RMC1: variants seen among roughly 807,000 people sequenced by gnomAD.
RMC1 encodes the protein regulator of MON1-CCZ1 complex.
Under a neutral mutation model 95.5 loss-of-function variants are expected in RMC1, and 44 were observed. The observed-to-expected ratio is 0.46, with a 90% CI of 0.36 to 0.59. The LOEUF is 0.59. Among genes scored for constraint, RMC1 ranks in the 20% least tolerant of loss-of-function variants. RMC1 has a pLI of 0.00. For synonymous variants in RMC1, 320 were observed against 303.6 expected (o/e 1.05, Z -0.56); for missense variants, 705 against 819.6 (o/e 0.86, Z 1.71).
At chr18:23,525,091 C>T (rs1268263302) in intron 12 of RMC1, among the ~76,000 whole-genome samples, 2 of 151,802 alleles carry the variant, frequency 1.3e-5, no homozygotes, top group Non-Finnish European at 2.9e-5. Flanking sequence ...GGATTACAGG[C>T]ATGTGCCACC....
At position 23,503,562 on chromosome 18, in the gene RMC1, T is replaced by A; in HGVS notation, c.-57T>A. On this transcript the variant is annotated 5_prime_UTR_variant, in exon 1 of 20. Transcript: ENST00000269221. ...AGTCCGGGCCGGGCTCCACCGCGCA[T>A]CCTGCTCCACTCTGGCGACCGCCCC... 7.4e-7 allele frequency: 1 copy of A among 1,345,418 alleles called. No individual in the cohort carries two copies. The highest frequency in any genetic ancestry group is 1.0e-6 in the Non-Finnish European group (1 of 993,920). 83.3% of individuals were successfully genotyped at this position (1,345,418 alleles called of 1,614,324 possible).
intron 12 of RMC1, among the ~76,000 whole-genome samples, chr18:23,524,731 A>G (rs917925700): frequency 6.6e-6 from 1 of 151,966 alleles, no homozygotes; most frequent in Non-Finnish European, 1.5e-5. Flanking sequence ...CCCATTCTGG[A>G]AAAGCCAGAC....
intron 5 of RMC1, among the ~76,000 whole-genome samples, chr18:23,511,940 C>T (rs574696440): frequency 6.6e-6 from 1 of 151,656 alleles, no homozygotes; most frequent in East Asian, 1.9e-4. Context: ...AATATAGGAA[C>T]TTCTGCTTTT....
intron 2 of RMC1, 117 bp from the exon 3 acceptor site, chr18:23,506,853 A>G (rs1054381246): frequency 2.8e-6 from 2 of 720,582 alleles, no homozygotes; most frequent in African/African-American, 3.6e-5. Flanking sequence ...ACATAATTTT[A>G]ATTTTAGACT....
At chr18:23,504,611 T>TA in intron 2 of RMC1, 164 bp downstream of exon 2, 1 of 580,044 alleles carries the variant, frequency 1.7e-6, no homozygotes, top group Non-Finnish European at 3.1e-6. Flanking sequence ...TCGTGGCACT[T>TA]ACTAGCACCT....
intron 12 of RMC1, 144 bp downstream of exon 12, chr18:23,524,626 T>C: frequency 1.3e-6 from 1 of 742,356 alleles, no homozygotes; most frequent in Non-Finnish European, 2.2e-6. Flanking sequence ...TTTTTTTCAC[T>C]TTATACGTTT....
chr18:23,513,317 G>A (rs1406462189), intron 5 of RMC1, among the ~76,000 whole-genome samples: 2 of 152,196 alleles, frequency 1.3e-5, no homozygotes, highest in African/African-American at 4.8e-5. Context: ...CTTTGTGACT[G>A]GCTTATTTCA....
chr18:23,506,932 C>T (rs571055708), intron 2 of RMC1, 38 bp from the exon 3 acceptor site: 229 of 1,392,620 alleles, frequency 1.6e-4, no homozygotes, highest in South Asian at 1.2e-3. Flanking sequence ...AGCTAGAATT[C>T]GGTTATTTAA....
chr18:23,525,934 G>A (rs2058286802), intron 12 of RMC1, among the ~76,000 whole-genome samples: 1 of 152,206 alleles, frequency 6.6e-6, no homozygotes, highest in African/African-American at 2.4e-5. Context: ...GTTGTGCCTT[G>A]TCTGTAACCC....
At chr18:23,520,544 C>T (rs2058116737) in intron 10 of RMC1, among the ~76,000 whole-genome samples, 1 of 152,234 alleles carries the variant, frequency 6.6e-6, no homozygotes, top group African/African-American at 2.4e-5. Flanking sequence ...ACTACAGTCT[C>T]CACCTCCTGG....
chr18:23,516,201 G>A, intron 6 of RMC1, 119 bp from the exon 7 acceptor site: 2 of 1,357,240 alleles, frequency 1.5e-6, no homozygotes, highest in South Asian at 1.2e-5. Flanking sequence ...GGACATGGGG[G>A]ACGGTGGAAA....
At chr18:23,518,711 C>CT (rs2058071525) in intron 7 of RMC1, among the ~76,000 whole-genome samples, 179 bp from the exon 8 acceptor site, 2 of 152,154 alleles carry the variant, frequency 1.3e-5, no homozygotes, top group African/African-American at 2.4e-5. Flanking sequence ...TGTGTGTTCT[C>CT]TTTTCCACTT....
At chr18:23,504,487 A>T in intron 2 of RMC1, 40 bp downstream of exon 2, 3 of 1,526,290 alleles carry the variant, frequency 2.0e-6, no homozygotes, top group Non-Finnish European at 2.7e-6. Flanking sequence ...TGTCATGTAA[A>T]CAGAATGATG....
chr18:23,524,444 T>C lies in RMC1; in HGVS notation c.1022T>C (p.Ile341Thr). Residue 341 changes from isoleucine to threonine, a missense_variant, in exon 12 of 20, where the codon ATT (isoleucine) becomes ACT (threonine). Transcript: ENST00000269221. ...TAACATGTGGATTCTTCATCTTGGATTGTCTTTCAACCTGACATCATTATC... is the reference window on the plus strand; with the variant it reads ...TAACATGTGGATTCTTCATCTTGGACTGTCTTTCAACCTGACATCATTATC... ...VPCKLYSSSW[I>T]VFQPDIIISA... The C allele has an allele frequency of 6.2e-7, 1 of 1,614,102 alleles. No homozygotes were observed. The highest frequency in any genetic ancestry group is 8.5e-7 in the Non-Finnish European group (1 of 1,179,976).
chr18:23,530,362 C>T, intron 18 of RMC1, 25 bp from the exon 19 acceptor site: 1 of 1,613,994 alleles, frequency 6.2e-7, no homozygotes, highest in Non-Finnish European at 8.5e-7. Flanking sequence ...TTGCACTGAC[C>T]TGGACTTCTC....
chr18:23,504,940 G>T (rs1257563919), intron 2 of RMC1, among the ~76,000 whole-genome samples: 1 of 152,146 alleles, frequency 6.6e-6, no homozygotes, highest in East Asian at 1.9e-4. Flanking sequence ...GAAGTGTCTC[G>T]ATTTGGATGA....
Position 23,503,616 on chromosome 18 carries a change from G to T in RMC1, c.-3G>T. 1 of 1,550,884 alleles carries T rather than the reference G, an allele frequency of 6.4e-7. No individual in the cohort carries two copies. Among genetic ancestry groups the T allele is most frequent in the Non-Finnish European group, 8.7e-7 (1 of 1,149,252 alleles). On this transcript the variant is annotated 5_prime_UTR_variant, in exon 1 of 20. Transcript: ENST00000269221. ...GGCCCCCGCCGCGGGCGCGGCGCCC[G>T]CCATGGGCGAGGAGGACTACTATCT...
At chr18:23,524,087 T>C in intron 10 of RMC1, 43 bp from the exon 11 acceptor site, 1 of 1,606,572 alleles carries the variant, frequency 6.2e-7, no homozygotes, top group Non-Finnish European at 8.5e-7. Flanking sequence ...ATTTGCAGCA[T>C]TTTCTGACTG....
chr18:23,520,074 C>A, intron 9 of RMC1, 128 bp from the exon 10 acceptor site: 1 of 666,194 alleles, frequency 1.5e-6, no homozygotes, highest in Non-Finnish European at 2.7e-6. Flanking sequence ...CAAGTAAGAG[C>A]TAGCCTGTAG....
Sources: gnomAD v4.1 joint callset for allele counts (sites outside exome capture counted in the v4.1 genomes callset) on GRCh38, gnomAD v4.1.1 for gene constraint, MANE v1.5 for transcripts, NCBI Gene and HGNC (gene_info 2026-07-23, HGNC 2026-07-21) for gene names.